LTBP2: variants seen among roughly 807,000 people sequenced by gnomAD.
LTBP2 encodes the protein latent-transforming growth factor beta-binding protein 2.
LTBP2 carries 103 observed loss-of-function variants against 210.6 expected under a neutral mutation model. That is an observed-to-expected ratio of 0.49 (90% CI 0.42 to 0.58). The LOEUF (loss-of-function observed/expected upper bound fraction) is 0.58. Ranked by LOEUF, LTBP2 falls within the 20% of genes least tolerant of loss-of-function variation. The probability of loss-of-function intolerance (pLI) is 0.00; values close to 1 mark genes in which losing one functional copy is unlikely to be tolerated. For missense variants in LTBP2, 2,313 were observed against 2,494.5 expected (o/e 0.93, Z 1.55); for synonymous variants, 1,007 against 1,015.0 (o/e 0.99, Z 0.15).
chr14:74,522,197 T>G (rs2087214019), intron 16 of LTBP2, among the ~76,000 whole-genome samples, 158 bp from the exon 17 acceptor site: 1 of 152,054 alleles, frequency 6.6e-6, no homozygotes. Flanking sequence ...TCTCTAAGGC[T>G]GGAAGCCATA....
intron 3 of LTBP2, among the ~76,000 whole-genome samples, chr14:74,558,480 C>T (rs1292103253): frequency 6.6e-6 from 1 of 152,220 alleles, no homozygotes; most frequent in Admixed American, 6.5e-5. Context: ...GAACTGCTGG[C>T]TCACTGGGAG....
Position 74,604,164 on chromosome 14 carries a change from C to CAAAAAAAAAAAAAAAA in LTBP2, c.495-475_495-460dup, listed in dbSNP as rs59313477. 6.0e-4 allele frequency among the ~76,000 whole-genome samples: 44 copies of CAAAAAAAAAAAAAAAA among 72,728 alleles called. 2 individuals are homozygous for CAAAAAAAAAAAAAAAA. The highest frequency in any genetic ancestry group is 1.1e-3 in the African/African-American group (15 of 13,432). 47.7% of individuals were successfully genotyped at this position (72,728 alleles called of 152,430 possible). On this transcript the variant is annotated intron_variant, in intron 1 of 35. Coordinates refer to ENST00000261978, the MANE Select transcript of LTBP2 (RefSeq NM_000428.3). ...GCTCCAACTCTACATTGCCTCTCAC[C>CAAAAAAAAAAAAAAAA]AAAAAAAAAAAAAAAAAAAACCACA...
intron 3 of LTBP2, among the ~76,000 whole-genome samples, chr14:74,562,599 A>G (rs2087809628): frequency 2.0e-5 from 3 of 152,152 alleles, no homozygotes; most frequent in Non-Finnish European, 4.4e-5. Flanking sequence ...AAGAAAAATC[A>G]GCAAGGAATA....
chr14:74,539,515 C>T lies in LTBP2; in HGVS notation c.1790-3515G>A, dbSNP rs185044071. On this transcript the variant is annotated intron_variant, in intron 8 of 35. Coordinates refer to ENST00000261978, the MANE Select transcript of LTBP2 (RefSeq NM_000428.3). The stretch of plus-strand genomic sequence containing the variant: ...TGAGTCCAGGAGTTTGAGACCAGCC[C>T]AGGCAACATGGCAAAACCCCGTCTC... 3.7e-3 allele frequency among the ~76,000 whole-genome samples: 565 copies of T among 152,070 alleles called. 4 individuals carry two copies. Among genetic ancestry groups the T allele is most frequent in the African/African-American group, 0.013 (521 of 41,486 alleles).
In LTBP2 at chr14:74,594,803, ACTCGGAATCCACC is replaced by A. The variant is rs1045689999; in HGVS notation, c.566-8698_566-8686del. On this transcript the variant is annotated intron_variant, in intron 2 of 35. Transcript: ENST00000261978. The stretch of plus-strand genomic sequence containing the variant: ...GAATCCCTGTCTGGCTCACACCCAC[ACTCGGAATCCACC>A]CTCGGAATCCACCTCAGAATCGCTC... 9.2e-5 allele frequency among the ~76,000 whole-genome samples: 14 copies of A among 151,922 alleles called. No individual in the cohort carries two copies. The East Asian group carries it at 1.9e-3, about 21-fold the overall frequency.
At chr14:74,587,147 C>T (rs147017599) in intron 2 of LTBP2, among the ~76,000 whole-genome samples, 4 of 152,174 alleles carry the variant, frequency 2.6e-5, no homozygotes, top group Admixed American at 6.5e-5. Flanking sequence ...GCCCCTCCCC[C>T]ACCAGGACCT....
intron 3 of LTBP2, among the ~76,000 whole-genome samples, chr14:74,579,784 G>A (rs1231444486): frequency 1.3e-5 from 2 of 152,208 alleles, no homozygotes; most frequent in African/African-American, 4.8e-5. Context: ...GTAAGGACAG[G>A]CTACCTCCCC....
chr14:74,574,537 AG>A (rs1483599521), intron 3 of LTBP2, among the ~76,000 whole-genome samples: 4 of 152,336 alleles, frequency 2.6e-5, no homozygotes, highest in African/African-American at 7.2e-5. Context: ...GTAGGAATCT[AG>A]CACAATGCCT....
intron 3 of LTBP2, among the ~76,000 whole-genome samples, chr14:74,564,345 T>C (rs370304477): frequency 3.7e-3 from 20 of 5,466 alleles, no homozygotes; most frequent in Non-Finnish European, 4.1e-3. Flanking sequence ...ATATATATAT[T>C]TATATATATT....
chr14:74,592,138 C>T (rs1450217487), intron 2 of LTBP2, among the ~76,000 whole-genome samples: 2 of 152,210 alleles, frequency 1.3e-5, no homozygotes, highest in African/African-American at 2.4e-5. Context: ...TGAAACATTC[C>T]TATGCCAAAT....
chr14:74,586,265 C>G lies in LTBP2; in HGVS notation c.566-147G>C. 1 of 855,146 alleles carries G rather than the reference C, an allele frequency of 1.2e-6. No homozygotes were observed. The highest frequency in any genetic ancestry group is 1.7e-5 in the South Asian group (1 of 58,852). 53.0% of individuals were successfully genotyped at this position (855,146 alleles called of 1,614,324 possible). A position where few individuals can be genotyped will look rare whatever the true frequency, so the allele number is the denominator to read the frequency against. ...CACTCTCCTGGCCTCAGGGGGCTCC[C>G]TGACCCATGTCTCTCCCACCTCCAT... On this transcript the variant is annotated intron_variant, in intron 2 of 35. Coordinates refer to ENST00000261978, the MANE Select transcript of LTBP2 (RefSeq NM_000428.3). This position sits in a 1 kb window ranked among gnomAD's most constrained non-coding sequence, Gnocchi z 4.6.
intron 1 of LTBP2, among the ~76,000 whole-genome samples, chr14:74,607,226 G>A (rs755734696): frequency 2.6e-5 from 4 of 152,276 alleles, no homozygotes; most frequent in Admixed American, 6.5e-5. Flanking sequence ...AAAAGGCCAC[G>A]TCCTCCCCTC....
In LTBP2 at chr14:74,502,777, G is replaced by A. The variant is rs1194291909; in HGVS notation, c.5046C>T (p.Pro1682=). 29 of 1,614,032 alleles carry A rather than the reference G, an allele frequency of 1.8e-5. No homozygotes were observed. Among genetic ancestry groups the A allele is most frequent in the Admixed American group, 1.3e-4 (8 of 60,002 alleles). Residue 1682 remains proline (P), a synonymous_variant, in exon 34 of 36, where the codon CCC becomes CCT. Transcript: ENST00000261978. ...DGAPFYNYLG[P]EDTVPEPAFP... ...AGGCAGGCTCAGGGACGGTGTCCTC[G>A]GGGCCCAGGTAGTTGTAGAAGGGGG...
chr14:74,552,500 G>A lies in LTBP2; in HGVS notation c.1193-107C>T. ...AGGCGGCAGAACCCTGACCCTAGAT[G>A]GCTCCTGTAGCCCGGAGCCCCCTGA... On this transcript the variant is annotated intron_variant, in intron 5 of 35. Coordinates refer to ENST00000261978, the MANE Select transcript of LTBP2 (RefSeq NM_000428.3). The A allele has an allele frequency of 3.0e-6, 3 of 1,014,170 alleles. No homozygotes were observed. The Admixed American group carries it at 5.9e-5, about 20-fold the overall frequency. The allele number at this position is 1,014,170 out of a possible 1,614,324, so 62.8% of individuals were successfully genotyped here. A position where few individuals can be genotyped will look rare whatever the true frequency, so the allele number is the denominator to read the frequency against.
At position 74,537,262 on chromosome 14, in the gene LTBP2, T is replaced by C. The variant is rs116909326; in HGVS notation, c.1790-1262A>G. Among the ~76,000 whole-genome samples the C allele has an allele frequency of 1.8e-4, 28 of 152,226 alleles. No individual in the cohort carries two copies. The East Asian group carries it at 5.2e-3, about 28-fold the overall frequency. On this transcript the variant is annotated intron_variant, in intron 8 of 35. Coordinates refer to ENST00000261978, the MANE Select transcript of LTBP2 (RefSeq NM_000428.3). The stretch of plus-strand genomic sequence containing the variant: ...GTGTGCCAACCCTCTTGAAAAGCTC[T>C]AGCAGGAGGCATACTTCTGATCGCC...
At position 74,528,998 on chromosome 14, in the gene LTBP2, T is replaced by G; in HGVS notation, c.2112A>C (p.Ala704=). The G allele has an allele frequency of 1.2e-6, 2 of 1,609,026 alleles. No individual in the cohort carries two copies. The highest frequency in any genetic ancestry group is 4.5e-5 in the East Asian group (2 of 44,782). ...QICCCSRVGK[A]WGSECEKCPL... is the part of the protein sequence containing the mutation. ...GGCATTTCTCACACTCGCTGCCCCA[T>G]GCTTTGCCCACGCGGCTGCAGCAGC... Residue 704 remains alanine (A), a synonymous_variant, in exon 11 of 36, where the codon GCA becomes GCC. Transcript: ENST00000261978.
intron 2 of LTBP2, among the ~76,000 whole-genome samples, chr14:74,593,577 T>C (rs1319455711): frequency 6.6e-6 from 1 of 152,248 alleles, no homozygotes; most frequent in Admixed American, 6.5e-5. Context: ...AGTCTCACAC[T>C]GTAGCCACGA....
At chr14:74,510,458 G>T (rs1018168189) in intron 19 of LTBP2, among the ~76,000 whole-genome samples, 4 of 152,212 alleles carry the variant, frequency 2.6e-5, no homozygotes, top group African/African-American at 9.7e-5. Context: ...CCACGCAGGG[G>T]GCCAGGTCTC....
chr14:74,528,482 C>A lies in LTBP2; in HGVS notation c.2368+1G>T. ...TCAGGCATCTCCCCCAGCTCAGATA[C>A]CCTTGTCAGGGATGGTCCCGGCCTC... On this transcript the variant is annotated splice_donor_variant, in intron 12 of 35. Transcript: ENST00000261978. LOFTEE classifies it high-confidence loss of function. The A allele has an allele frequency of 6.2e-7, 1 of 1,611,840 alleles. No homozygotes were observed. The highest frequency in any genetic ancestry group is 8.5e-7 in the Non-Finnish European group (1 of 1,180,020).
Sources: gnomAD v4.1 joint callset for allele counts (sites outside exome capture counted in the v4.1 genomes callset) on GRCh38, gnomAD v4.1.1 for gene constraint, Gnocchi (gnomAD v3.1) non-coding constraint, MANE v1.5 for transcripts, NCBI Gene and HGNC (gene_info 2026-07-23, HGNC 2026-07-21) for gene names.